Variants in FSTL5 observed in about 807,000 individuals in gnomAD.
FSTL5 encodes follistatin-related protein 5.
In FSTL5, 62 loss-of-function variants were observed where a neutral mutation model predicts 89.1. That is an observed-to-expected ratio of 0.70 (90% CI 0.57 to 0.86). The LOEUF (loss-of-function observed/expected upper bound fraction) is 0.86. Ranked by LOEUF, FSTL5 falls within the 40% of genes least tolerant of loss-of-function variation. FSTL5 has a pLI of 0.00. For synonymous variants in FSTL5, 383 were observed against 346.2 expected, an observed-to-expected ratio of 1.11 and a Z score of -1.18; for missense variants, 1,057 against 1,001.6, an observed-to-expected ratio of 1.06 and a Z score of -0.75.
intron 4 of FSTL5, among the ~76,000 whole-genome samples, chr4:161,788,103 C>T (rs903096439): frequency 2.0e-5 from 3 of 151,976 alleles, no homozygotes; most frequent in East Asian, 3.9e-4. Flanking sequence ...AAATGAATTG[C>T]GGATACTCTT....
intron 11 of FSTL5, among the ~76,000 whole-genome samples, chr4:161,502,968 ATATAT>A (rs1200108220): frequency 4.0e-5 from 6 of 151,806 alleles, no homozygotes; most frequent in East Asian, 1.9e-4. Context: ...CTAAATTTAT[ATATAT>A]TATATTTTTT....
intron 3 of FSTL5, among the ~76,000 whole-genome samples, chr4:162,014,290 C>T (rs1417030882): frequency 6.6e-6 from 1 of 152,216 alleles, no homozygotes; most frequent in Non-Finnish European, 1.5e-5. Flanking sequence ...TCAGCCTTGT[C>T]TGCAAGGAAT....
intron 3 of FSTL5, among the ~76,000 whole-genome samples, chr4:161,932,649 T>C (rs550268590): frequency 1.8e-4 from 27 of 152,080 alleles, no homozygotes; most frequent in African/African-American, 6.5e-4. Flanking sequence ...GCTCTATAAC[T>C]TTTGTTTTTG....
chr4:161,589,296 C>A (rs1184585670), intron 7 of FSTL5, among the ~76,000 whole-genome samples: 1 of 152,168 alleles, frequency 6.6e-6, no homozygotes, highest in South Asian at 2.1e-4. Flanking sequence ...GCCTCAGCCT[C>A]CTGAGTAGCT....
At chr4:161,818,935 T>C (rs918341345) in intron 4 of FSTL5, among the ~76,000 whole-genome samples, 1 of 152,112 alleles carries the variant, frequency 6.6e-6, no homozygotes, top group African/African-American at 2.4e-5. Flanking sequence ...TTATTTTCCT[T>C]TTAAAACCAT....
intron 7 of FSTL5, among the ~76,000 whole-genome samples, chr4:161,641,681 G>A (rs1407181816): frequency 6.6e-6 from 1 of 151,840 alleles, no homozygotes; most frequent in Non-Finnish European, 1.5e-5. Context: ...TAGTAGAGAC[G>A]TGGTTTCACC....
intron 11 of FSTL5, among the ~76,000 whole-genome samples, chr4:161,509,570 T>C (rs1009638043): frequency 9.2e-5 from 14 of 152,094 alleles, no homozygotes; most frequent in African/African-American, 3.1e-4. Flanking sequence ...CCAGAATTAC[T>C]TGAGGCTTTG....
intron 8 of FSTL5, among the ~76,000 whole-genome samples, chr4:161,560,991 T>C (rs1732576194): frequency 6.6e-6 from 1 of 151,978 alleles, no homozygotes; most frequent in Non-Finnish European, 1.5e-5. Context: ...CATACATTTG[T>C]ATTACTGGTA....
intron 13 of FSTL5, 48 bp from the exon 14 acceptor site, chr4:161,459,367 T>C (rs1430385518): frequency 1.6e-6 from 2 of 1,231,470 alleles, no homozygotes; most frequent in Non-Finnish European, 1.2e-6. Context: ...AAACTATTAG[T>C]TTAAAGCTAG....
At chr4:161,678,866 T>C (rs4532194) in intron 6 of FSTL5, among the ~76,000 whole-genome samples, 53,195 of 151,600 alleles carry the variant, frequency 0.35, 9,586 homozygotes, top group Middle Eastern at 0.52. Context: ...ACATTAGTTC[T>C]AGCACATGAA....
chr4:161,882,988 A>G (rs560455641), intron 4 of FSTL5, among the ~76,000 whole-genome samples: 14 of 152,310 alleles, frequency 9.2e-5, no homozygotes, highest in African/African-American at 3.4e-4. Context: ...ATTGGGATCA[A>G]TAGTGAATTC....
Position 162,089,656 on chromosome 4 carries a change from A to AAAAG in FSTL5, c.126+21611_126+21614dup, listed in dbSNP as rs1561012760. ...TCAAAAAAAAAAAAAAAAAAGAAAA[A>AAAAG]AAAGAAAGAAAGAAATTGGGTTAAT... is the stretch of plus-strand genomic sequence containing the variant. On this transcript the variant is annotated intron_variant, in intron 2 of 15. Transcript: ENST00000306100. 4.1e-4 allele frequency among the ~76,000 whole-genome samples: 56 copies of AAAAG among 136,464 alleles called. 1 individual carries two copies. Among genetic ancestry groups the AAAAG allele is most frequent in the East Asian group, 1.8e-3 (8 of 4,494 alleles). 89.5% of individuals were successfully genotyped at this position (136,464 alleles called of 152,430 possible).
chr4:161,933,800 G>C (rs999070083), intron 3 of FSTL5, among the ~76,000 whole-genome samples: 8 of 151,882 alleles, frequency 5.3e-5, no homozygotes, highest in Non-Finnish European at 1.0e-4. Context: ...CCCAATAAAA[G>C]AAACCTAGCA....
intron 6 of FSTL5, among the ~76,000 whole-genome samples, chr4:161,706,568 T>C (rs1256286219): frequency 6.6e-6 from 1 of 152,008 alleles, no homozygotes; most frequent in Non-Finnish European, 1.5e-5. Flanking sequence ...AAAGGAAAAT[T>C]AGTGAAAGCT....
At chr4:161,784,907 C>CAA (rs1202708192) in intron 4 of FSTL5, among the ~76,000 whole-genome samples, 4 of 125,404 alleles carry the variant, frequency 3.2e-5, no homozygotes, top group African/African-American at 9.1e-5. Flanking sequence ...AAAACAAAAA[C>CAA]AAACAAACAA....
At position 162,086,232 on chromosome 4, in the gene FSTL5, A is replaced by G. The variant is rs549826057; in HGVS notation, c.126+25039T>C. Among the ~76,000 whole-genome samples the G allele has an allele frequency of 1.5e-3, 235 of 152,052 alleles. 1 individual carries two copies. Among genetic ancestry groups the G allele is most frequent in the African/African-American group, 5.2e-3 (217 of 41,520 alleles). On this transcript the variant is annotated intron_variant, in intron 2 of 15. Transcript: ENST00000306100. ...AGATTAGAAAAAATACACTCTCTGA[A>G]TGTCTTTATTTATGTAATTCCCACC...
At chr4:162,056,235 T>A (rs970136642) in intron 2 of FSTL5, among the ~76,000 whole-genome samples, 6 of 151,998 alleles carry the variant, frequency 3.9e-5, no homozygotes, top group Non-Finnish European at 7.4e-5. Flanking sequence ...AATCCAATGG[T>A]AACAAAAATG....
At chr4:161,992,940 ATGTGTGTATATCTATATATATATGTGTG>A (rs1560957781) in intron 3 of FSTL5, among the ~76,000 whole-genome samples, 2 of 5,484 alleles carry the variant, frequency 3.6e-4, no homozygotes, top group Non-Finnish European at 1.5e-3. Context: ...GTATATATAT[ATGTGTGTATATCTATATATATATGTGTG>A]TATATATATA....
At chr4:161,423,877 T>G (rs1037307854) in intron 15 of FSTL5, among the ~76,000 whole-genome samples, 1 of 151,462 alleles carries the variant, frequency 6.6e-6, no homozygotes, top group African/African-American at 2.4e-5. Flanking sequence ...TTTTATTTTT[T>G]GAGATGGAGT....
Sources: gnomAD v4.1 joint callset for allele counts (sites outside exome capture counted in the v4.1 genomes callset) on GRCh38, gnomAD v4.1.1 for gene constraint, MANE v1.5 for transcripts, NCBI Gene and HGNC (gene_info 2026-07-23, HGNC 2026-07-21) for gene names.